The following TACR3 variants were observed in gnomAD, a reference collection of about 807,000 sequenced individuals.
TACR3 encodes the protein neuromedin-K receptor.
TACR3 carries 34 observed loss-of-function variants against 35.0 expected under a neutral mutation model. The ratio of observed to expected loss-of-function variants is 0.97; its 90% CI spans 0.74 to 1.30. The LOEUF is 1.30. Among genes scored for constraint, TACR3 ranks in the 50% most tolerant of loss-of-function variants. The pLI is 0.00. For missense variants in TACR3, 558 were observed against 591.7 expected, an observed-to-expected ratio of 0.94 and a Z score of 0.59; for synonymous variants, 233 against 221.1, an observed-to-expected ratio of 1.05 and a Z score of -0.48.
intron 3 of TACR3, among the ~76,000 whole-genome samples, chr4:103,592,666 T>G (rs1453127430): frequency 6.6e-6 from 1 of 152,212 alleles, no homozygotes; most frequent in African/African-American, 2.4e-5. Flanking sequence ...TAAACAATTT[T>G]GAAGCTTACC....
At chr4:103,714,945 T>C (rs1905173) in intron 1 of TACR3, among the ~76,000 whole-genome samples, 1 of 152,058 alleles carries the variant, frequency 6.6e-6, no homozygotes, top group East Asian at 1.9e-4. Context: ...TAGGTTTATG[T>C]AAAAGTGAAA....
At chr4:103,661,598 A>T (rs1269343997) in intron 1 of TACR3, among the ~76,000 whole-genome samples, 3 of 152,220 alleles carry the variant, frequency 2.0e-5, no homozygotes, top group Non-Finnish European at 4.4e-5. Flanking sequence ...CAGATAATTC[A>T]AAGTAAATTG....
At chr4:103,689,180 C>G (rs1464641954) in intron 1 of TACR3, among the ~76,000 whole-genome samples, 1 of 141,680 alleles carries the variant, frequency 7.1e-6, no homozygotes, top group Non-Finnish European at 1.5e-5. Flanking sequence ...TATTCTCACT[C>G]ATAGGTGGGA....
At chr4:103,658,781 G>A (rs7682099) in intron 1 of TACR3, among the ~76,000 whole-genome samples, 61,841 of 151,664 alleles carry the variant, frequency 0.41, 14,540 homozygotes, top group African/African-American at 0.66. Context: ...CCATGGACTG[G>A]CAGTGGGTGA....
intron 1 of TACR3, among the ~76,000 whole-genome samples, chr4:103,680,122 G>A (rs1301748784): frequency 2.0e-5 from 3 of 151,672 alleles, no homozygotes; most frequent in Non-Finnish European, 4.4e-5. Flanking sequence ...AAAGTAGAGT[G>A]CTTTTGAGGG....
chr4:103,623,394 A>T (rs1216893032), intron 3 of TACR3, among the ~76,000 whole-genome samples: 1 of 152,028 alleles, frequency 6.6e-6, no homozygotes, highest in Non-Finnish European at 1.5e-5. Flanking sequence ...TTTTTTTTTA[A>T]TTAACAACTT....
intron 3 of TACR3, among the ~76,000 whole-genome samples, chr4:103,649,334 G>C (rs1168346533): frequency 1.3e-5 from 2 of 152,000 alleles, no homozygotes; most frequent in Non-Finnish European, 2.9e-5. Context: ...GCCTGTGCTT[G>C]TTGGGTATTA....
chr4:103,598,487 G>A (rs1208615464), intron 3 of TACR3, among the ~76,000 whole-genome samples: 1 of 152,154 alleles, frequency 6.6e-6, no homozygotes, highest in East Asian at 1.9e-4. Flanking sequence ...TTTGGCTTTT[G>A]TTGCCATTGC....
intron 3 of TACR3, among the ~76,000 whole-genome samples, chr4:103,594,664 A>G (rs1448123919): frequency 1.3e-5 from 2 of 152,190 alleles, no homozygotes; most frequent in Non-Finnish European, 2.9e-5. Context: ...TAAGGCTATC[A>G]GTCCTTTTAG....
Position 103,614,882 on chromosome 4 carries a change from GTGTT to G in TACR3, c.889-23203_889-23200del, listed in dbSNP as rs1471209818. On this transcript the variant is annotated intron_variant, in intron 3 of 4. Transcript: ENST00000304883. The stretch of plus-strand genomic sequence containing the variant: ...ACTATAACCTAAGTTGATTATGAAT[GTGTT>G]TTTTTTTTTTTTTTTTTTTTTTTTT... 3.8e-3 allele frequency among the ~76,000 whole-genome samples: 345 copies of G among 90,844 alleles called. 2 individuals carry two copies. Among genetic ancestry groups the G allele is most frequent in the African/African-American group, 0.014 (315 of 23,012 alleles). 59.6% of individuals were successfully genotyped at this position (90,844 alleles called of 152,430 possible). A position where few individuals can be genotyped will look rare whatever the true frequency, so the allele number is the denominator to read the frequency against.
At chr4:103,709,864 C>T (rs1396684287) in intron 1 of TACR3, among the ~76,000 whole-genome samples, 1 of 152,084 alleles carries the variant, frequency 6.6e-6, no homozygotes, top group Non-Finnish European at 1.5e-5. Context: ...CAATCCTAGT[C>T]TCTGATAAAA....
intron 3 of TACR3, among the ~76,000 whole-genome samples, chr4:103,615,396 T>TGAGA (rs1424120503): frequency 4.9e-5 from 6 of 122,560 alleles, no homozygotes; most frequent in East Asian, 2.1e-4. Flanking sequence ...TGTGTGTGTG[T>TGAGA]GTGAGAGAGA....
intron 3 of TACR3, among the ~76,000 whole-genome samples, chr4:103,622,865 T>A (rs898852561): frequency 6.6e-6 from 1 of 152,156 alleles, no homozygotes; most frequent in Non-Finnish European, 1.5e-5. Flanking sequence ...AGGAGACTAA[T>A]GTCAAGGTGG....
chr4:103,588,949 T>G lies in TACR3; in HGVS notation c.*733A>C, dbSNP rs966109458. On this transcript the variant is annotated 3_prime_UTR_variant, in exon 5 of 5. Transcript: ENST00000304883. ...TCATATTTTTAGGGTCTTAACTGAC[T>G]ACTTTTTAGCTTGGTATTCAAAAAT... is the stretch of plus-strand genomic sequence containing the variant. 1 of 152,176 alleles carries G rather than the reference T, an allele frequency of 6.6e-6. No homozygotes were observed. The highest frequency in any genetic ancestry group is 2.4e-5 in the African/African-American group (1 of 41,464). The allele number at this position is 152,176 out of a possible 1,614,324, so 9.4% of individuals were successfully genotyped here. A position where few individuals can be genotyped will look rare whatever the true frequency, so the allele number is the denominator to read the frequency against.
intron 3 of TACR3, among the ~76,000 whole-genome samples, chr4:103,638,973 C>T (rs1290739795): frequency 6.6e-6 from 1 of 152,094 alleles, no homozygotes; most frequent in Non-Finnish European, 1.5e-5. Flanking sequence ...GAAATAGGAA[C>T]ACTTTTACAC....
In TACR3 at chr4:103,667,479, G is replaced by C. The variant is rs74540926; in HGVS notation, c.549-9076C>G. ...TATTTCTAAATAACTAAATAACTAA[G>C]AGACTAGAATTAGAATGTTTCTAAC... On this transcript the variant is annotated intron_variant, in intron 1 of 4. Transcript: ENST00000304883. Among the ~76,000 whole-genome samples the C allele has an allele frequency of 4.4e-4, 67 of 152,190 alleles. No homozygotes were observed. The East Asian group carries it at 0.013, about 29-fold the overall frequency.
At chr4:103,644,117 A>T (rs1033545086) in intron 3 of TACR3, among the ~76,000 whole-genome samples, 5 of 151,850 alleles carry the variant, frequency 3.3e-5, no homozygotes, top group African/African-American at 1.2e-4. Context: ...ACTGCCACAC[A>T]TAGAGAGCAG....
chr4:103,647,336 T>C (rs1391697980), intron 3 of TACR3, among the ~76,000 whole-genome samples: 2 of 151,922 alleles, frequency 1.3e-5, no homozygotes, highest in Admixed American at 6.6e-5. Context: ...TACTAATAAG[T>C]AGACTAAAGT....
intron 3 of TACR3, among the ~76,000 whole-genome samples, chr4:103,629,850 CAAAA>C (rs1170682602): frequency 1.1e-5 from 1 of 90,086 alleles, no homozygotes. Context: ...CTAAGCAAAA[CAAAA>C]AAAAAACAAA....
Sources: gnomAD v4.1 joint callset for allele counts (sites outside exome capture counted in the v4.1 genomes callset) on GRCh38, gnomAD v4.1.1 for gene constraint, MANE v1.5 for transcripts, NCBI Gene and HGNC (gene_info 2026-07-23, HGNC 2026-07-21) for gene names.